Variants in PKNOX1 observed in about 807,000 individuals in gnomAD.
PKNOX1 encodes PBX/knotted 1 homeobox 1.
A neutral mutation model predicts 51.9 loss-of-function variants in PKNOX1; 15 were observed. That is an observed-to-expected ratio of 0.29 (90% confidence interval 0.19 to 0.45). PKNOX1 has a LOEUF of 0.45. PKNOX1 is among the 20% of genes least tolerant of loss of function. PKNOX1 has a pLI of 1.00. For missense variants in PKNOX1, 462 were observed against 547.5 expected (o/e 0.84, Z 1.56); for synonymous variants, 219 against 211.1 (o/e 1.04, Z -0.32).
chr21:43,029,463 T>C (rs569968329), intron 10 of PKNOX1, among the ~76,000 whole-genome samples: 23 of 144,400 alleles, frequency 1.6e-4, no homozygotes, highest in Non-Finnish European at 2.7e-4. Context: ...AGTCTCACTC[T>C]GTTGCCCAGG....
In PKNOX1 at chr21:43,007,549, C is replaced by T. The variant is rs1979045709; in HGVS notation, c.110C>T (p.Ala37Val). 6.2e-7 allele frequency: 1 copy of T among 1,613,960 alleles called. No homozygotes were observed. Among genetic ancestry groups the T allele is most frequent in the Non-Finnish European group, 8.5e-7 (1 of 1,179,846 alleles). Residue 37 changes from alanine to valine, a missense_variant, in exon 3 of 11, where the codon GCA (alanine) becomes GTA (valine). Transcript: ENST00000291547. ...GATCCAAACTGCTCTGAACCCGATG[C>T]AGAAGGAGTGAGCCCTCCCCCTGTG... is the stretch of plus-strand genomic sequence containing the variant. Reference protein sequence around the residue: ...EQDPNCSEPDAEGVSPPPVES... With the variant: ...EQDPNCSEPDVEGVSPPPVES...
intron 1 of PKNOX1, among the ~76,000 whole-genome samples, chr21:42,982,183 C>T (rs1001991891): frequency 1.1e-4 from 16 of 152,136 alleles, no homozygotes; most frequent in African/African-American, 3.9e-4. Context: ...GCAGGGCTAC[C>T]TGGCCCAGGG....
At chr21:42,975,125 G>C (rs2058986585) in intron 1 of PKNOX1, among the ~76,000 whole-genome samples, 1 of 144,900 alleles carries the variant, frequency 6.9e-6, no homozygotes, top group Non-Finnish European at 1.5e-5. Context: ...GGCGGGGCCG[G>C]GGCGGGCGGC....
At chr21:42,986,879 A>G (rs2059054644) in intron 1 of PKNOX1, among the ~76,000 whole-genome samples, 1 of 152,092 alleles carries the variant, frequency 6.6e-6, no homozygotes, top group Admixed American at 6.6e-5. Context: ...TTTCCAGTGG[A>G]ATTGTGGCTG....
chr21:43,011,435 C>A (rs754793033), intron 4 of PKNOX1, among the ~76,000 whole-genome samples: 6 of 152,158 alleles, frequency 3.9e-5, no homozygotes, highest in Non-Finnish European at 8.8e-5. Flanking sequence ...CTCCAAAATC[C>A]AGCGTTTTCT....
intron 1 of PKNOX1, among the ~76,000 whole-genome samples, chr21:42,998,208 GA>G: frequency 6.6e-6 from 1 of 152,202 alleles, no homozygotes; most frequent in Non-Finnish European, 1.5e-5. Context: ...CAGGCAAAGA[GA>G]GAAGCATGTG....
In PKNOX1 at chr21:43,016,960, C is replaced by T. The variant is rs981443475; in HGVS notation, c.575C>T (p.Pro192Leu). 4 of 1,612,718 alleles carry T rather than the reference C, an allele frequency of 2.5e-6. No individual in the cohort carries two copies. Among genetic ancestry groups the T allele is most frequent in the African/African-American group, 1.3e-5 (1 of 74,886 alleles). Residue 192 changes from proline to leucine, a missense_variant, in exon 6 of 11, where the codon CCG (proline) becomes CTG (leucine). This residue lies in a region of PKNOX1 where 126 missense variants were observed against 128.1 expected (regional missense o/e 0.98). Transcript: ENST00000291547. ...ATCAGCCCTCAGGGAATTGTGGTGC[C>T]GGCGTCCGCGCTGCAGCAGGGAAAC... Reference protein sequence around the residue: ...GTISPQGIVVPASALQQGNVA... With the variant: ...GTISPQGIVVLASALQQGNVA...
rs1187120625 is a variant in PKNOX1 at position 43,021,993 on chromosome 21, G to C, written c.849+562G>C. On this transcript the variant is annotated intron_variant, in intron 8 of 10. Transcript: ENST00000291547. This position sits in a 1 kb window ranked among gnomAD's most constrained non-coding sequence, Gnocchi z 4.6. The stretch of plus-strand genomic sequence containing the variant: ...AGGAAGTGCAGTGGTGGGCCTGCTT[G>C]CTGAGTTGATGGGGGAGACCTGCTC... Among the ~76,000 whole-genome samples, 1 of 152,222 alleles carries C rather than the reference G, an allele frequency of 6.6e-6. No individual in the cohort carries two copies. The highest frequency in any genetic ancestry group is 1.5e-5 in the Non-Finnish European group (1 of 68,030).
At chr21:43,017,602 T>A (rs1979550587) in intron 6 of PKNOX1, 1 of 151,294 alleles carries the variant, frequency 6.6e-6, no homozygotes, top group African/African-American at 2.4e-5. Flanking sequence ...AGAATTAAAA[T>A]AGTTATTATT....
intron 1 of PKNOX1, among the ~76,000 whole-genome samples, chr21:42,995,907 T>C (rs1054067843): frequency 6.6e-6 from 1 of 152,172 alleles, no homozygotes; most frequent in Admixed American, 6.6e-5. Flanking sequence ...TTCATTTATG[T>C]ATTTATATTT....
chr21:43,029,370 A>G (rs1306347913), intron 10 of PKNOX1, among the ~76,000 whole-genome samples: 1 of 130,828 alleles, frequency 7.6e-6, no homozygotes, highest in Admixed American at 7.6e-5. Context: ...AGGTCTTCAT[A>G]TTTTGGATGG....
chr21:42,994,581 A>T (rs1445288996), intron 1 of PKNOX1, among the ~76,000 whole-genome samples: 1 of 151,834 alleles, frequency 6.6e-6, no homozygotes, highest in African/African-American at 2.4e-5. Context: ...CTGAGAGTAG[A>T]ATCTTGATTA....
At chr21:42,976,129 C>T (rs948275842) in intron 1 of PKNOX1, among the ~76,000 whole-genome samples, 1 of 152,186 alleles carries the variant, frequency 6.6e-6, no homozygotes, top group Non-Finnish European at 1.5e-5. Flanking sequence ...ATCCAGACCA[C>T]CGCAGTAAAA....
In PKNOX1 at chr21:43,024,062, G is replaced by A. The variant is rs537982951; in HGVS notation, c.850-809G>A. 5.3e-3 allele frequency among the ~76,000 whole-genome samples: 804 copies of A among 152,200 alleles called. 5 individuals carry two copies. The highest frequency in any genetic ancestry group is 0.018 in the African/African-American group (759 of 41,506). On this transcript the variant is annotated intron_variant, in intron 8 of 10. Coordinates refer to ENST00000291547, the MANE Select transcript of PKNOX1 (RefSeq NM_004571.5). ...TGGTTGGATTTTTTGTATGTGAAAT[G>A]TTTCAATCATACATAAAAGAAGAAT...
intron 1 of PKNOX1, among the ~76,000 whole-genome samples, chr21:42,990,930 T>C (rs2059084240): frequency 6.6e-6 from 1 of 152,140 alleles, no homozygotes; most frequent in Non-Finnish European, 1.5e-5. Context: ...ACTTCTCACA[T>C]GAGGGTCTTA....
chr21:42,981,652 T>C (rs2059026574), intron 1 of PKNOX1, among the ~76,000 whole-genome samples: 5 of 152,136 alleles, frequency 3.3e-5, no homozygotes, highest in African/African-American at 2.4e-5. Flanking sequence ...CGGGAGCTTC[T>C]GGGCTCAAGT....
Position 43,013,110 on chromosome 21 carries a change from C to T in PKNOX1, c.394C>T (p.Leu132=). The change falls in exon 5 of 11, where the codon CTG becomes TTG. Residue 132 remains leucine (L), a synonymous_variant. Transcript: ENST00000291547. ...IQVLRIHLLE[L]EKVNELCKDF... Reference sequence around the variant, plus strand: ...GGTTTTGCGCATTCATCTTCTTGAGCTGGAAAAGGTTAACGAACTCTGCAA... The same window carrying T: ...GGTTTTGCGCATTCATCTTCTTGAGTTGGAAAAGGTTAACGAACTCTGCAA... The T allele has an allele frequency of 6.2e-7, 1 of 1,612,476 alleles. No homozygotes were observed. Among genetic ancestry groups the T allele is most frequent in the Non-Finnish European group, 8.5e-7 (1 of 1,179,096 alleles).
chr21:43,007,249 A>G (rs746883149), intron 2 of PKNOX1, among the ~76,000 whole-genome samples: 2 of 152,236 alleles, frequency 1.3e-5, no homozygotes, highest in Non-Finnish European at 2.9e-5. Context: ...CGCCAGTGTT[A>G]TTTTAAAATC....
chr21:43,017,617 A>T (rs1979551120), intron 6 of PKNOX1: 2 of 153,364 alleles, frequency 1.3e-5, no homozygotes. Context: ...ATTATTTAGT[A>T]CCCTTGGCCA....
Sources: gnomAD v4.1 joint callset for allele counts (sites outside exome capture counted in the v4.1 genomes callset) on GRCh38, gnomAD v4.1.1 for gene constraint, gnomAD v4.1.1 regional missense constraint, Gnocchi (gnomAD v3.1) non-coding constraint, MANE v1.5 for transcripts, NCBI Gene and HGNC (gene_info 2026-07-23, HGNC 2026-07-21) for gene names.